The following SLC2A11 variants were observed in gnomAD, a reference collection of about 807,000 sequenced individuals.
SLC2A11 encodes the protein solute carrier family 2 member 11.
In SLC2A11, 43 loss-of-function variants were observed where a neutral mutation model predicts 52.1. The ratio of observed to expected loss-of-function variants is 0.82; its 90% CI spans 0.65 to 1.06. The LOEUF (loss-of-function observed/expected upper bound fraction) is 1.06. Ranked by LOEUF, SLC2A11 falls within the 50% of genes least tolerant of loss-of-function variation. The probability of loss-of-function intolerance (pLI) is 0.00; values close to 1 mark genes in which losing one functional copy is unlikely to be tolerated. For missense variants in SLC2A11, 582 were observed against 654.2 expected (o/e 0.89, Z 1.20); for synonymous variants, 261 against 277.6 (o/e 0.94, Z 0.59).
At chr22:23,867,714 T>C (rs1478430628) in intron 2 of SLC2A11, 1 of 470,640 alleles carries the variant, frequency 2.1e-6, no homozygotes, top group East Asian at 6.9e-5. Context: ...TTAAGGTCTA[T>C]AAAAACTCTT....
chr22:23,885,014 TGGTATTCCAGGCTAA>T lies in SLC2A11; in HGVS notation c.*166_*180del, dbSNP rs1239172327. On this transcript the variant is annotated 3_prime_UTR_variant, in exon 12 of 12. Transcript: ENST00000316185. ...GGTGCTTAGCAATCAATGGTGAGCGTGGTATTCCAGGCTAAAGGTAATTAACTGACAGAAAATCAG... is the reference window on the plus strand; with the variant it reads ...GGTGCTTAGCAATCAATGGTGAGCGTAGGTAATTAACTGACAGAAAATCAG... 1 of 605,736 alleles carries T rather than the reference TGGTATTCCAGGCTAA, an allele frequency of 1.7e-6. No individual in the cohort carries two copies. The highest frequency in any genetic ancestry group is 2.9e-6 in the Non-Finnish European group (1 of 344,356). 37.5% of individuals were successfully genotyped at this position (605,736 alleles called of 1,614,324 possible). A position where few individuals can be genotyped will look rare whatever the true frequency, so the allele number is the denominator to read the frequency against.
Position 23,882,506 on chromosome 22 carries a change from G to A in SLC2A11, c.742G>A (p.Glu248Lys). The change falls in exon 7 of 12, where the codon GAG (glutamate) becomes AAG (lysine). Residue 248 changes from glutamate to lysine, a missense_variant. Physicochemically the swap from Glu to Lys is moderately conservative, Grantham distance 56. Transcript: ENST00000316185. ...CGGGGACTTGGCAGGGGAGCTGGAGGAGCTGGAGGAGGAGCGCGCTGCCTG... is the reference window on the plus strand; with the variant it reads ...CGGGGACTTGGCAGGGGAGCTGGAGAAGCTGGAGGAGGAGCGCGCTGCCTG... ...GSGDLAGELEELEEERAACQG... is the reference protein window; with the variant it reads ...GSGDLAGELEKLEEERAACQG... 2 of 1,578,886 alleles carry A rather than the reference G, an allele frequency of 1.3e-6. No homozygotes were observed. Among genetic ancestry groups the A allele is most frequent in the Admixed American group, 1.8e-5 (1 of 54,852 alleles).
intron 3 of SLC2A11, among the ~76,000 whole-genome samples, chr22:23,874,585 G>A (rs1321678990): frequency 1.3e-5 from 2 of 152,062 alleles, no homozygotes; most frequent in African/African-American, 2.4e-5. Flanking sequence ...GAGTAGCTGG[G>A]ATTACAGGCA....
chr22:23,857,069 T>TGGGGGGGGGGG (rs1275234369), upstream of SLC2A11: 1 of 364,726 alleles, frequency 2.7e-6, no homozygotes, highest in African/African-American at 6.1e-5. Context: ...AAAGTGTGTG[T>TGGGGGGGGGGG]GTGTGGGGGG....
chr22:23,877,704 C>G lies in SLC2A11; in HGVS notation c.546-17C>G. On this transcript the variant is annotated splice_polypyrimidine_tract_variant and intron_variant, in intron 5 of 11. Transcript: ENST00000316185. Reference sequence around the variant, plus strand: ...GGCAAAGAGGCATCTGGCCTGGCCTCTCCTCTGCCTCCTTAGGGAGCTCCT... The same window carrying G: ...GGCAAAGAGGCATCTGGCCTGGCCTGTCCTCTGCCTCCTTAGGGAGCTCCT... 1 of 1,563,470 alleles carries G rather than the reference C, an allele frequency of 6.4e-7. No individual in the cohort carries two copies. Among genetic ancestry groups the G allele is most frequent in the Non-Finnish European group, 8.6e-7 (1 of 1,157,546 alleles).
At chr22:23,881,825 G>GAA (rs2032803812) in intron 6 of SLC2A11, 1 of 146,762 alleles carries the variant, frequency 6.8e-6, no homozygotes, top group South Asian at 2.1e-4. Context: ...GAGAGAGAGA[G>GAA]AAACACACAC....
At position 23,867,652 on chromosome 22, in the gene SLC2A11, C is replaced by T. The variant is rs915264840; in HGVS notation, c.130-829C>T. On this transcript the variant is annotated intron_variant, in intron 2 of 11. Transcript: ENST00000316185. ...AAAAAGACCAAGAGATTAGAGGGTCCGAATGTTCAGCCCCACTCACGGAGC... is the reference window on the plus strand; with the variant it reads ...AAAAAGACCAAGAGATTAGAGGGTCTGAATGTTCAGCCCCACTCACGGAGC... 1.2e-4 allele frequency: 56 copies of T among 469,742 alleles called. 2 individuals carry two copies. Among genetic ancestry groups the T allele is most frequent in the Admixed American group, 8.0e-4 (34 of 42,462 alleles). The allele number at this position is 469,742 out of a possible 1,614,324, so 29.1% of individuals were successfully genotyped here.
At chr22:23,882,411 A>C in intron 6 of SLC2A11, 48 bp from the exon 7 acceptor site, 1 of 1,465,316 alleles carries the variant, frequency 6.8e-7, no homozygotes, top group South Asian at 1.4e-5. Flanking sequence ...AGGGGGACCA[A>C]AGAGGGGCTT....
Position 23,884,392 on chromosome 22 carries a change from T to G in SLC2A11, c.1262T>G (p.Met421Arg). ...GTCTGCGGGGCGCTCATGTGGATCA[T>G]GCTCATCCTGGTCGGCCTGGGATTT... The part of the protein sequence containing the change: ...CMVCGALMWI[M>R]LILVGLGFPF... Residue 421 changes from methionine (M) to arginine (R), a missense_variant, in exon 11 of 12, where the codon ATG becomes AGG. Transcript: ENST00000316185. The surrounding 1 kb of genome is among the most constrained non-coding windows in gnomAD (Gnocchi z 4.3). 6.2e-7 allele frequency: 1 copy of G among 1,613,984 alleles called. No individual in the cohort carries two copies. Among genetic ancestry groups the G allele is most frequent in the Non-Finnish European group, 8.5e-7 (1 of 1,179,982 alleles).
At chr22:23,868,215 T>C (rs1300157873) in intron 2 of SLC2A11, 1 of 518,146 alleles carries the variant, frequency 1.9e-6, no homozygotes, top group African/African-American at 1.9e-5. Flanking sequence ...TAGAGAGAAA[T>C]AGTGTTTTCG....
chr22:23,868,164 G>C, intron 2 of SLC2A11: 1 of 400,588 alleles, frequency 2.5e-6, no homozygotes, highest in Non-Finnish European at 4.6e-6. Context: ...GCTTGATGTG[G>C]GAAAATATCC....
chr22:23,875,891 T>C (rs1165498706), intron 4 of SLC2A11, among the ~76,000 whole-genome samples: 1 of 152,196 alleles, frequency 6.6e-6, no homozygotes, highest in African/African-American at 2.4e-5. Flanking sequence ...TGGCTCTGGC[T>C]TGGGGTCTCT....
rs1406758949 is a variant in SLC2A11 at position 23,882,799 on chromosome 22, T to G, written c.923T>G (p.Val308Gly). Residue 308 changes from valine (V) to glycine (G), a missense_variant, in exon 8 of 12, where the codon GTG (valine) becomes GGG (glycine). Physicochemically the swap from Val to Gly is moderately radical, Grantham distance 109 (BLOSUM62 -3). Transcript: ENST00000316185. ...YASSVFRKAG[V>G]PEAKIQYAII... ...TCCTCCGTGTTCCGGAAGGCAGGAG[T>G]GCCGGAAGCGAAGATCCAGTACGCG... 2 of 1,613,498 alleles carry G rather than the reference T, an allele frequency of 1.2e-6. No homozygotes were observed. Among genetic ancestry groups the G allele is most frequent in the Non-Finnish European group, 1.7e-6 (2 of 1,179,822 alleles).
upstream of SLC2A11, chr22:23,857,141 C>A: frequency 1.8e-6 from 2 of 1,126,184 alleles, no homozygotes; most frequent in Non-Finnish European, 1.3e-6. Flanking sequence ...CTCCGGAGAA[C>A]GCCCAGGGGC....
At chr22:23,862,439 G>GT (rs2032104333) in intron 2 of SLC2A11, 4 of 424,912 alleles carry the variant, frequency 9.4e-6, no homozygotes, top group Admixed American at 9.1e-5. Context: ...ACCTAGTGAT[G>GT]GGGGGTCAGC....
chr22:23,884,458 T>A lies in SLC2A11; in HGVS notation c.1299+29T>A. The stretch of plus-strand genomic sequence containing the variant: ...GGCCCGCCCCTCCCGCTGGGGGCCC[T>A]GCCTTAGGCTGTGTCCCTGTCATCC... On this transcript the variant is annotated intron_variant, in intron 11 of 11. Transcript: ENST00000316185. The surrounding 1 kb of genome is among the most constrained non-coding windows in gnomAD (Gnocchi z 4.3). 1 of 1,602,598 alleles carries A rather than the reference T, an allele frequency of 6.2e-7. No homozygotes were observed. The highest frequency in any genetic ancestry group is 8.5e-7 in the Non-Finnish European group (1 of 1,173,374).
At position 23,874,020 on chromosome 22, in the gene SLC2A11, T is replaced by G. The variant is rs182372747; in HGVS notation, c.291-1097T>G. The stretch of plus-strand genomic sequence containing the variant: ...TGGGTGATCTGTATGGCAGCACTTC[T>G]GAGCTCAATATGAGGAGCCAAAGCT... On this transcript the variant is annotated intron_variant, in intron 3 of 11. Transcript: ENST00000316185. 4.1e-4 allele frequency among the ~76,000 whole-genome samples: 63 copies of G among 152,298 alleles called. 1 individual carries two copies. The East Asian group carries it at 9.5e-3, about 23-fold the overall frequency.
In SLC2A11 at chr22:23,884,431, T is replaced by A; in HGVS notation, c.1299+2T>A. The A allele has an allele frequency of 6.2e-7, 1 of 1,612,794 alleles. No homozygotes were observed. The highest frequency in any genetic ancestry group is 8.5e-7 in the Non-Finnish European group (1 of 1,179,280). On this transcript the variant is annotated splice_donor_variant, in intron 11 of 11. Coordinates refer to ENST00000316185, the MANE Select transcript of SLC2A11 (RefSeq NM_001024939.4). LOFTEE classifies it high-confidence loss of function. This position sits in a 1 kb window ranked among gnomAD's most constrained non-coding sequence, Gnocchi z 4.3. ...GGCCTGGGATTTCCCTTTATCATGGTAGGCCCGCCCCTCCCGCTGGGGGCC... is the reference window on the plus strand; with the variant it reads ...GGCCTGGGATTTCCCTTTATCATGGAAGGCCCGCCCCTCCCGCTGGGGGCC...
Position 23,875,257 on chromosome 22 carries a change from T to C in SLC2A11, c.415+16T>C. 3 of 1,409,334 alleles carry C rather than the reference T, an allele frequency of 2.1e-6. No individual in the cohort carries two copies. The highest frequency in any genetic ancestry group is 1.8e-5 in the South Asian group (1 of 56,578). 87.3% of individuals were successfully genotyped at this position (1,409,334 alleles called of 1,614,324 possible). ...GTCAATGCAGGTATGGGGTGGGGGC[T>C]TCTCATCCTGCCTCTCTATGCCTAT... On this transcript the variant is annotated intron_variant, in intron 4 of 11. Coordinates refer to ENST00000316185, the MANE Select transcript of SLC2A11 (RefSeq NM_001024939.4).
Sources: gnomAD v4.1 joint callset for allele counts (sites outside exome capture counted in the v4.1 genomes callset) on GRCh38, gnomAD v4.1.1 for gene constraint, Gnocchi (gnomAD v3.1) non-coding constraint, MANE v1.5 for transcripts, NCBI Gene and HGNC (gene_info 2026-07-23, HGNC 2026-07-21) for gene names.